The following RIT2 variants were observed in gnomAD, a reference collection of about 807,000 sequenced individuals.
The protein encoded by RIT2 is GTP-binding protein Rit2.
RIT2 carries 24 observed loss-of-function variants against 23.7 expected under a neutral mutation model. The observed-to-expected ratio is 1.01, with a 90% CI of 0.73 to 1.43. The LOEUF is 1.43. RIT2 is among the 40% of genes most tolerant of loss of function. The pLI is 0.00. For synonymous variants in RIT2, 107 were observed against 91.1 expected (o/e 1.17, Z -0.99); for missense variants, 236 against 266.9 (o/e 0.88, Z 0.81).
intron 1 of RIT2, among the ~76,000 whole-genome samples, chr18:43,076,718 A>C (rs1913027375): frequency 6.6e-6 from 1 of 152,188 alleles, no homozygotes; most frequent in African/African-American, 2.4e-5. Flanking sequence ...AAGGCAGAGA[A>C]GACTCATGAT....
At chr18:42,800,413 T>C (rs1464155827) in intron 4 of RIT2, among the ~76,000 whole-genome samples, 1 of 152,170 alleles carries the variant, frequency 6.6e-6, no homozygotes, top group East Asian at 1.9e-4. Flanking sequence ...TTTAAACCAT[T>C]ATACACATTG....
At position 42,973,772 on chromosome 18, in the gene RIT2, C is replaced by T. The variant is rs1431480827; in HGVS notation, c.234+302G>A. Among the ~76,000 whole-genome samples, 3 of 151,832 alleles carry T rather than the reference C, an allele frequency of 2.0e-5. No homozygotes were observed. The East Asian group carries it at 5.8e-4, about 29-fold the overall frequency. ...TAAAATTCTCTAATAGAAATTATCA[C>T]ATTAGGATCTATGTCAGAGTTTTGT... On this transcript the variant is annotated intron_variant, in intron 3 of 4. Coordinates refer to ENST00000326695, the MANE Select transcript of RIT2 (RefSeq NM_002930.4).
chr18:42,969,640 G>A (rs946895732), intron 3 of RIT2, among the ~76,000 whole-genome samples: 1 of 150,078 alleles, frequency 6.7e-6, no homozygotes, highest in Non-Finnish European at 1.5e-5. Context: ...CAAGACTTAG[G>A]TCATGGAATT....
chr18:43,016,943 C>T (rs549436868), intron 2 of RIT2, among the ~76,000 whole-genome samples: 2 of 151,954 alleles, frequency 1.3e-5, no homozygotes, highest in South Asian at 4.1e-4. Context: ...CAGAATCTGC[C>T]ATGGCTAATA....
intron 4 of RIT2, among the ~76,000 whole-genome samples, chr18:42,807,083 A>T (rs948854467): frequency 2.0e-5 from 3 of 152,190 alleles, no homozygotes; most frequent in Admixed American, 6.5e-5. Flanking sequence ...TCTGGACTTC[A>T]TTATCCCTGT....
intron 4 of RIT2, among the ~76,000 whole-genome samples, chr18:42,868,441 G>C (rs918569935): frequency 6.6e-6 from 1 of 152,170 alleles, no homozygotes; most frequent in Non-Finnish European, 1.5e-5. Context: ...AACCAAGCCT[G>C]GCTTATCAAT....
intron 1 of RIT2, among the ~76,000 whole-genome samples, chr18:43,090,358 A>C (rs1377307807): frequency 6.6e-6 from 1 of 152,126 alleles, no homozygotes; most frequent in Admixed American, 6.6e-5. Context: ...TATTACTAGA[A>C]AGTCAAAAAA....
At chr18:42,857,599 A>T (rs1907220275) in intron 4 of RIT2, among the ~76,000 whole-genome samples, 1 of 152,238 alleles carries the variant, frequency 6.6e-6, no homozygotes, top group Non-Finnish European at 1.5e-5. Flanking sequence ...TGCTGGTGTC[A>T]TTTACAACTA....
At chr18:43,040,827 A>T (rs1280244995) in intron 1 of RIT2, among the ~76,000 whole-genome samples, 1 of 152,148 alleles carries the variant, frequency 6.6e-6, no homozygotes, top group Non-Finnish European at 1.5e-5. Flanking sequence ...CCCCCCAAAA[A>T]AAAATCATTT....
At chr18:43,059,281 G>A (rs1258942513) in intron 1 of RIT2, among the ~76,000 whole-genome samples, 1 of 152,018 alleles carries the variant, frequency 6.6e-6, no homozygotes. Context: ...CTGTTTTATG[G>A]ATGTCAACAG....
chr18:42,967,159 G>A (rs1036223961), intron 3 of RIT2, among the ~76,000 whole-genome samples: 11 of 151,936 alleles, frequency 7.2e-5, no homozygotes, highest in Non-Finnish European at 1.3e-4. Context: ...TATCCTTTAT[G>A]ATATATTTCT....
At chr18:43,057,740 G>A (rs149412674) in intron 1 of RIT2, among the ~76,000 whole-genome samples, 1 of 149,886 alleles carries the variant, frequency 6.7e-6, no homozygotes, top group African/African-American at 2.4e-5. Context: ...AATAATTATG[G>A]GGCAGCAGAT....
intron 4 of RIT2, among the ~76,000 whole-genome samples, chr18:42,900,702 A>G (rs1908453130): frequency 6.6e-6 from 1 of 152,106 alleles, no homozygotes; most frequent in South Asian, 2.1e-4. Flanking sequence ...ACTTTCAGTA[A>G]CAAGATATGT....
At chr18:42,807,542 G>T (rs578151087) in intron 4 of RIT2, among the ~76,000 whole-genome samples, 1 of 152,086 alleles carries the variant, frequency 6.6e-6, no homozygotes, top group African/African-American at 2.4e-5. Context: ...GCTTGAACCC[G>T]GGAAGCAGAG....
At chr18:42,912,520 C>G (rs1217165878) in intron 4 of RIT2, among the ~76,000 whole-genome samples, 1 of 151,804 alleles carries the variant, frequency 6.6e-6, no homozygotes, top group East Asian at 1.9e-4. Context: ...GTCTAGAACA[C>G]CCCAAGCAAT....
intron 4 of RIT2, among the ~76,000 whole-genome samples, chr18:42,812,883 A>G (rs979700214): frequency 2.0e-5 from 3 of 152,184 alleles, no homozygotes; most frequent in Non-Finnish European, 4.4e-5. Context: ...TCAAAAAGTA[A>G]ATTTTGTAAA....
At chr18:43,111,109 A>C (rs1157856637) in intron 1 of RIT2, among the ~76,000 whole-genome samples, 1 of 152,182 alleles carries the variant, frequency 6.6e-6, no homozygotes, top group Non-Finnish European at 1.5e-5. Context: ...ATGGAATACT[A>C]TTCAGCTATA....
At chr18:43,027,420 G>A (rs1217449314) in intron 2 of RIT2, among the ~76,000 whole-genome samples, 1 of 152,032 alleles carries the variant, frequency 6.6e-6, no homozygotes, top group Non-Finnish European at 1.5e-5. Flanking sequence ...CAAGATTTTT[G>A]ATTTGGACAT....
intron 4 of RIT2, among the ~76,000 whole-genome samples, chr18:42,751,540 G>A (rs1405150685): frequency 6.6e-6 from 1 of 151,822 alleles, no homozygotes; most frequent in Admixed American, 6.6e-5. Context: ...ATTCTTGTTC[G>A]AATGATATAC....
Sources: allele counts gnomAD v4.1 joint callset (sites outside exome capture counted in the v4.1 genomes callset), GRCh38; gene constraint gnomAD v4.1.1; transcripts MANE v1.5; gene names NCBI Gene and HGNC (gene_info 2026-07-23, HGNC 2026-07-21).